The following GNL3 variants were observed in gnomAD, a reference collection of about 807,000 sequenced individuals.
GNL3 encodes guanine nucleotide-binding protein-like 3.
GNL3 carries 77 observed loss-of-function variants against 70.6 expected under a neutral mutation model. That is an observed-to-expected ratio of 1.09 (90% CI 0.91 to 1.32). The LOEUF is 1.32. Among genes scored for constraint, GNL3 ranks in the 40% most tolerant of loss-of-function variants. The pLI, the probability that GNL3 is intolerant of heterozygous loss-of-function variation, is 0.00. For synonymous variants in GNL3, 252 were observed against 216.1 expected (o/e 1.17, Z -1.46); for missense variants, 634 against 644.0 (o/e 0.98, Z 0.17).
intron 13 of GNL3, 81 bp from the exon 14 acceptor site, chr3:52,693,956 A>C: frequency 7.4e-7 from 1 of 1,350,962 alleles, no homozygotes; most frequent in Non-Finnish European, 1.1e-6. Context: ...CCAAAGAGTT[A>C]ATTTTTCAGG....
Position 52,688,552 on chromosome 3 carries a change from A to G in GNL3, c.408+360A>G, listed in dbSNP as rs2097324403. The stretch of plus-strand genomic sequence containing the variant: ...TCTGCCTGTAAGCATGATTTACAAC[A>G]TTAAAAAAAAACGTTGACATAGTGT... On this transcript the variant is annotated intron_variant, in intron 5 of 14. Transcript: ENST00000418458. Among the ~76,000 whole-genome samples, 3 of 152,206 alleles carry G rather than the reference A, an allele frequency of 2.0e-5. No homozygotes were observed. In the South Asian group the frequency reaches 6.2e-4, roughly 31 times the overall value.
intron 4 of GNL3, 113 bp downstream of exon 4, chr3:52,687,728 G>T: frequency 1.5e-6 from 1 of 659,216 alleles, no homozygotes; most frequent in South Asian, 1.9e-5. Context: ...GACCACCCAG[G>T]CTCAAGCAGT....
Position 52,686,824 on chromosome 3 carries a change from A to G in GNL3, c.69A>G (p.Lys23=), listed in dbSNP as rs2097315106. The G allele has an allele frequency of 6.2e-7, 1 of 1,608,518 alleles. No homozygotes were observed. The part of the protein sequence containing the change: ...MTCHKRYKIQ[K]KVREHHRKLR... The stretch of plus-strand genomic sequence containing the variant: ...GCCATAAGCGGTATAAAATCCAAAA[A>G]AAGGTAAGTGTAGTGCTTGAGAGAG... The change falls in exon 2 of 15, where the codon AAA becomes AAG. Residue 23 remains lysine, a synonymous_variant. Coordinates refer to ENST00000418458, the MANE Select transcript of GNL3 (RefSeq NM_014366.5).
Position 52,692,972 on chromosome 3 carries a change from A to C in GNL3, c.970A>C (p.Ser324Arg). 1 of 1,614,004 alleles carries C rather than the reference A, an allele frequency of 6.2e-7. No individual in the cohort carries two copies. Among genetic ancestry groups the C allele is most frequent in the Non-Finnish European group, 8.5e-7 (1 of 1,179,864 alleles). Residue 324 changes from serine (S) to arginine (R), a missense_variant, in exon 10 of 15, where the codon AGT becomes CGT. By Grantham distance (110) the Ser-to-Arg change is moderately radical. Coordinates refer to ENST00000418458, the MANE Select transcript of GNL3 (RefSeq NM_014366.5). ...LNSSSALALR[S>R]PASIEVVKPM... The stretch of plus-strand genomic sequence containing the variant: ...TTCCTCCTCTGCGCTTGCTCTGCGA[A>C]GTCCAGCAAGTATTGAAGTAGTAAA...
chr3:52,692,369 A>ATTTTTTTTTTTTTTT (rs1553911330), intron 9 of GNL3, among the ~76,000 whole-genome samples: 2 of 126,412 alleles, frequency 1.6e-5, no homozygotes, highest in African/African-American at 6.2e-5. Context: ...CAACTTTTAG[A>ATTTTTTTTTTTTTTT]TTTTTTTTTT....
intron 5 of GNL3, chr3:52,688,812 C>G (rs771422223): frequency 4.6e-5 from 22 of 474,456 alleles, no homozygotes; most frequent in Non-Finnish European, 8.0e-5. Flanking sequence ...TGGGAGGATT[C>G]AGACAGGGAT....
chr3:52,693,290 T>C lies in GNL3; in HGVS notation c.1148T>C (p.Val383Ala), dbSNP rs780517504. 6.2e-7 allele frequency: 1 copy of C among 1,614,190 alleles called. No homozygotes were observed. Among genetic ancestry groups the C allele is most frequent in the Non-Finnish European group, 8.5e-7 (1 of 1,180,026 alleles). ...CACCAAAAAGGTGGAATCCCAAATG[T>C]TGAAGGTGCTGCCAAACTGCTGTGG... ...GMHQKGGIPNVEGAAKLLWSE... is the reference protein window; with the variant it reads ...GMHQKGGIPNAEGAAKLLWSE... The change falls in exon 11 of 15, where the codon GTT (valine) becomes GCT (alanine). Residue 383 changes from valine to alanine, a missense_variant. Val to Ala is a moderately conservative substitution (Grantham distance 64). Coordinates refer to ENST00000418458, the MANE Select transcript of GNL3 (RefSeq NM_014366.5).
chr3:52,690,814 G>T, intron 7 of GNL3, 110 bp downstream of exon 7: 1 of 1,176,762 alleles, frequency 8.5e-7, no homozygotes, highest in Admixed American at 1.9e-5. Flanking sequence ...ATCCAACTCT[G>T]ATTTCAGCCA....
chr3:52,686,996 T>C (rs2097316370), intron 2 of GNL3, 169 bp downstream of exon 2: 1 of 633,266 alleles, frequency 1.6e-6, no homozygotes, highest in African/African-American at 1.8e-5. Context: ...TGTGAGAAAG[T>C]GCAGTGATTT....
chr3:52,686,447 C>A, intron 1 of GNL3: 1 of 569,784 alleles, frequency 1.8e-6, no homozygotes, highest in Non-Finnish European at 3.1e-6. Flanking sequence ...GAATCGCCTC[C>A]CAGACTCAGT....
intron 6 of GNL3, among the ~76,000 whole-genome samples, chr3:52,690,073 T>C (rs1202926223): frequency 1.3e-5 from 2 of 152,196 alleles, no homozygotes; most frequent in African/African-American, 4.8e-5. Context: ...ACAAGGGGAA[T>C]TGAAATAGAG....
At chr3:52,691,170 T>C (rs2097326857) in intron 8 of GNL3, 99 bp downstream of exon 8, 1 of 1,067,514 alleles carries the variant, frequency 9.4e-7, no homozygotes, top group East Asian at 2.4e-5. Flanking sequence ...ATGGAGTTGT[T>C]GTCAAGTAAA....
chr3:52,690,232 C>T (rs888554604), intron 6 of GNL3, among the ~76,000 whole-genome samples: 1 of 152,166 alleles, frequency 6.6e-6, no homozygotes, highest in African/African-American at 2.4e-5. Flanking sequence ...AAATGCATCT[C>T]AACAAAATAG....
At chr3:52,689,452 T>C (rs2097325204) in intron 6 of GNL3, 3 of 546,252 alleles carry the variant, frequency 5.5e-6, no homozygotes, top group Non-Finnish European at 1.0e-5. Flanking sequence ...TAAGCTGCTA[T>C]ACCCAGCTTA....
intron 2 of GNL3, 112 bp from the exon 3 acceptor site, chr3:52,687,129 TTTTCC>T: frequency 1.2e-6 from 1 of 843,146 alleles, no homozygotes; most frequent in Non-Finnish European, 1.9e-6. Context: ...TAAAGCTCCA[TTTTCC>T]TAGGACATTT....
rs759941039 is a variant in GNL3 at position 52,686,828 on chromosome 3, G to T, written c.72+1G>T. ...TAAGCGGTATAAAATCCAAAAAAAG[G>T]TAAGTGTAGTGCTTGAGAGAGCTGT... On this transcript the variant is annotated splice_donor_variant, in intron 2 of 14. Transcript: ENST00000418458. LOFTEE classifies it high-confidence loss of function. The T allele has an allele frequency of 1.9e-6, 3 of 1,603,436 alleles. No homozygotes were observed. The highest frequency in any genetic ancestry group is 1.1e-5 in the South Asian group (1 of 90,844).
At chr3:52,687,007 G>A in intron 2 of GNL3, 180 bp downstream of exon 2, 1 of 629,680 alleles carries the variant, frequency 1.6e-6, no homozygotes, top group Non-Finnish European at 2.8e-6. Flanking sequence ...GCAGTGATTT[G>A]GTGATAAGTC....
intron 6 of GNL3, 179 bp downstream of exon 6, chr3:52,689,385 A>G (rs961383669): frequency 2.6e-5 from 19 of 722,366 alleles, no homozygotes; most frequent in Admixed American, 1.3e-4. Context: ...AACTGACTCA[A>G]CTGGTTTCTA....
Position 52,687,614 on chromosome 3 carries a change from AG to A in GNL3, c.324+1del. The A allele has an allele frequency of 6.5e-7, 1 of 1,527,352 alleles. No individual in the cohort carries two copies. The highest frequency in any genetic ancestry group is 2.2e-5 in the East Asian group (1 of 44,488). The allele number at this position is 1,527,352 out of a possible 1,614,324, so 94.6% of individuals were successfully genotyped here. On this transcript the variant is annotated frameshift_variant and splice_region_variant, in exon 4 of 15. Transcript: ENST00000418458. LOFTEE classifies it high-confidence loss of function. ...CCATCAAATGTGGAACCTATGGAAA[AG>A]GTATGATTAGGTCTCTTTATGAATG... ...IKPSNVEPME[K>X]EFGLCKTENK...
Sources: gnomAD v4.1 joint callset for allele counts (sites outside exome capture counted in the v4.1 genomes callset) on GRCh38, gnomAD v4.1.1 for gene constraint, MANE v1.5 for transcripts, NCBI Gene and HGNC (gene_info 2026-07-23, HGNC 2026-07-21) for gene names.